XIRP2: variants seen among roughly 807,000 people sequenced by gnomAD.
XIRP2 encodes xin actin binding repeat containing 2, also known as xin actin-binding repeat-containing protein 2.
XIRP2 carries 236 observed loss-of-function variants against 277.0 expected under a neutral mutation model. The observed-to-expected ratio is 0.85, with a 90% CI of 0.77 to 0.95. The LOEUF (loss-of-function observed/expected upper bound fraction) is 0.95. Ranked by LOEUF, XIRP2 falls within the 40% of genes least tolerant of loss-of-function variation. The pLI is 0.00. For synonymous variants in XIRP2, 1,490 were observed against 1,416.5 expected, an observed-to-expected ratio of 1.05 and a Z score of -1.17; for missense variants, 4,640 against 4,157.5, an observed-to-expected ratio of 1.12 and a Z score of -3.19.
intron 3 of XIRP2, among the ~76,000 whole-genome samples, chr2:167,158,244 T>C (rs1692259728): frequency 6.6e-6 from 1 of 152,238 alleles, no homozygotes; most frequent in Non-Finnish European, 1.5e-5. Context: ...TTTTCTATTA[T>C]TTCTCATTTA....
intron 2 of XIRP2, among the ~76,000 whole-genome samples, chr2:167,100,298 A>G (rs185045138): frequency 1.3e-5 from 2 of 152,312 alleles, no homozygotes; most frequent in Admixed American, 1.3e-4. Flanking sequence ...ATATTCTTTG[A>G]AAAGGTTTAC....
intron 3 of XIRP2, among the ~76,000 whole-genome samples, chr2:167,163,597 C>T (rs1018339139): frequency 6.6e-6 from 1 of 152,170 alleles, no homozygotes; most frequent in Non-Finnish European, 1.5e-5. Flanking sequence ...ATATTTCTTT[C>T]TAGTCTAAGA....
chr2:167,051,763 G>C (rs2105536036), intron 2 of XIRP2, among the ~76,000 whole-genome samples: 1 of 151,960 alleles, frequency 6.6e-6, no homozygotes, highest in Non-Finnish European at 1.5e-5. Context: ...TTCTATTTGG[G>C]GAAATTTTGT....
At chr2:167,081,992 G>A (rs7424994) in intron 2 of XIRP2, among the ~76,000 whole-genome samples, 106,689 of 150,738 alleles carry the variant, frequency 0.71, 39,998 homozygotes, top group Non-Finnish European at 0.83. Context: ...CATGTGCACA[G>A]TGTGCAGGTT....
At chr2:167,180,544 C>T (rs930394307) in intron 3 of XIRP2, among the ~76,000 whole-genome samples, 64 of 152,226 alleles carry the variant, frequency 4.2e-4, no homozygotes, top group African/African-American at 1.1e-3. Context: ...TCACTGTTTT[C>T]GTTATTTTAT....
rs753964672 is a variant in XIRP2, at chr2:167,242,635, G to C, written c.1243G>C (p.Val415Leu). ...SVVSTSSTSC[V>L]STSQRKETST... ...TGTGAGTACCTCTTCCACTTCTTGCGTTTCAACCAGCCAGAGGAAGGAAAC... is the reference window on the plus strand; with the variant it reads ...TGTGAGTACCTCTTCCACTTCTTGCCTTTCAACCAGCCAGAGGAAGGAAAC... The change falls in exon 9 of 11, where the codon GTT becomes CTT. Residue 415 changes from valine (V) to leucine (L), a missense_variant. Transcript: ENST00000409195. 1 of 1,614,048 alleles carries C rather than the reference G, an allele frequency of 6.2e-7. No homozygotes were observed. The highest frequency in any genetic ancestry group is 1.1e-5 in the South Asian group (1 of 91,082).
intron 2 of XIRP2, among the ~76,000 whole-genome samples, chr2:167,116,803 A>G (rs905254430): frequency 1.3e-5 from 2 of 152,212 alleles, no homozygotes; most frequent in African/African-American, 4.8e-5. Context: ...AGGGAGTACA[A>G]TTTGATTTCT....
intron 5 of XIRP2, among the ~76,000 whole-genome samples, chr2:167,222,359 G>A (rs1694458546): frequency 6.6e-6 from 1 of 152,196 alleles, no homozygotes; most frequent in South Asian, 2.1e-4. Flanking sequence ...GAGAGAGTTA[G>A]GTGGTGGGAA....
intron 2 of XIRP2, among the ~76,000 whole-genome samples, chr2:167,037,518 GGTGTGTGTGTGTGTGTGTGTGTGT>G (rs59857626): frequency 1.6e-5 from 2 of 126,382 alleles, no homozygotes; most frequent in South Asian, 2.4e-4. Flanking sequence ...TCATGTGGGG[GGTGTGTGTGTGTGTGTGTGTGTGT>G]GTGTGTGTGT....
intron 2 of XIRP2, among the ~76,000 whole-genome samples, chr2:167,088,298 C>T (rs551694857): frequency 1.7e-4 from 26 of 152,162 alleles, no homozygotes; most frequent in South Asian, 4.1e-4. Flanking sequence ...ACCTCTTAGG[C>T]GCTCTTCAGG....
intron 2 of XIRP2, among the ~76,000 whole-genome samples, chr2:167,066,392 A>G (rs1334790377): frequency 1.3e-5 from 2 of 152,002 alleles, no homozygotes; most frequent in Non-Finnish European, 2.9e-5. Flanking sequence ...CAGCATCACT[A>G]TCAGGAAAAT....
At chr2:166,985,439 C>CT (rs535512847) in intron 2 of XIRP2, among the ~76,000 whole-genome samples, 5,484 of 144,658 alleles carry the variant, frequency 0.038, 129 homozygotes, top group East Asian at 0.082. Context: ...TCTTTTCTTT[C>CT]TTTTTTTTTT....
chr2:166,964,170 G>T (rs924406254), intron 2 of XIRP2, among the ~76,000 whole-genome samples: 1 of 151,724 alleles, frequency 6.6e-6, no homozygotes, highest in Non-Finnish European at 1.5e-5. Context: ...ATGAGTATAT[G>T]GATAAAATTA....
At chr2:166,924,420 A>T (rs774329612) in intron 2 of XIRP2, among the ~76,000 whole-genome samples, 1 of 152,026 alleles carries the variant, frequency 6.6e-6, no homozygotes, top group Non-Finnish European at 1.5e-5. Context: ...AAGGACATGG[A>T]TCAGCTTTAT....
intron 3 of XIRP2, among the ~76,000 whole-genome samples, chr2:167,144,703 C>CA (rs1484879391): frequency 1.3e-5 from 2 of 152,100 alleles, no homozygotes; most frequent in Non-Finnish European, 2.9e-5. Context: ...CATCACTTCA[C>CA]AATACTTCTG....
chr2:166,918,657 A>G (rs1461716076), intron 2 of XIRP2, among the ~76,000 whole-genome samples: 2 of 152,154 alleles, frequency 1.3e-5, no homozygotes, highest in Non-Finnish European at 2.9e-5. Flanking sequence ...GGAATGTGGA[A>G]ACTTCCACCA....
chr2:166,945,758 A>G (rs1252803271), intron 2 of XIRP2, among the ~76,000 whole-genome samples: 1 of 144,262 alleles, frequency 6.9e-6, no homozygotes, highest in East Asian at 2.1e-4. Flanking sequence ...TGTAACCTCC[A>G]ACTCCCGGGT....
intron 3 of XIRP2, among the ~76,000 whole-genome samples, chr2:167,189,478 C>G (rs551474418): frequency 6.6e-6 from 1 of 152,088 alleles, no homozygotes; most frequent in African/African-American, 2.4e-5. Flanking sequence ...TTATTTGTTT[C>G]CCACCTCCTC....
In XIRP2 at chr2:167,210,775, A is replaced by C; in HGVS notation, c.603A>C (p.Glu201Asp). Residue 201 changes from glutamate (E) to aspartate (D), a missense_variant, in exon 4 of 11, where the codon GAA becomes GAC. Glu to Asp is a conservative substitution (Grantham distance 45, BLOSUM62 2). Transcript: ENST00000409195. ...ATAAGCCTGAGAGTGGATTTGCAGA[A>C]GACAGTGCTGCTCGGGGCGAGGGTG... ...GPNKPESGFA[E>D]DSAARGEGVS... 6.2e-7 allele frequency: 1 copy of C among 1,614,212 alleles called. No individual in the cohort carries two copies. The highest frequency in any genetic ancestry group is 8.5e-7 in the Non-Finnish European group (1 of 1,180,036).
Sources: gnomAD v4.1 joint callset for allele counts (sites outside exome capture counted in the v4.1 genomes callset) on GRCh38, gnomAD v4.1.1 for gene constraint, MANE v1.5 for transcripts, NCBI Gene and HGNC (gene_info 2026-07-23, HGNC 2026-07-21) for gene names.